Variants in FRMD4B observed in about 807,000 individuals in gnomAD.
FRMD4B encodes FERM domain-containing protein 4B.
FRMD4B carries 74 observed loss-of-function variants against 141.5 expected under a neutral mutation model. The ratio of observed to expected loss-of-function variants is 0.52; its 90% confidence interval spans 0.43 to 0.63. The LOEUF (loss-of-function observed/expected upper bound fraction) is 0.63. FRMD4B is among the 30% of genes least tolerant of loss of function. The pLI is 0.00. For missense variants in FRMD4B, 1,366 were observed against 1,253.4 expected (o/e 1.09, Z -1.36); for synonymous variants, 506 against 467.9 (o/e 1.08, Z -1.05).
At chr3:69,348,315 G>A (rs1575754168) in intron 1 of FRMD4B, among the ~76,000 whole-genome samples, 1 of 151,962 alleles carries the variant, frequency 6.6e-6, no homozygotes, top group South Asian at 2.1e-4. Flanking sequence ...AGACCAATAA[G>A]AGGCTCTGAA....
At chr3:69,492,012 C>T (rs778087664) in intron 1 of FRMD4B, among the ~76,000 whole-genome samples, 15 of 152,216 alleles carry the variant, frequency 9.9e-5, no homozygotes, top group East Asian at 7.7e-4. Flanking sequence ...CCAAGACAGT[C>T]GGCCAAGAGC....
chr3:69,400,226 A>C (rs78991747), intron 2 of FRMD4B, among the ~76,000 whole-genome samples: 232 of 129,098 alleles, frequency 1.8e-3, no homozygotes, highest in African/African-American at 5.0e-3. Flanking sequence ...TCTTCACCCC[A>C]AAAAAAAAAA....
intron 7 of FRMD4B, among the ~76,000 whole-genome samples, chr3:69,230,133 G>T (rs961812084): frequency 4.0e-5 from 6 of 151,852 alleles, no homozygotes; most frequent in Admixed American, 6.6e-5. Flanking sequence ...CCTCCGCCAC[G>T]CCTGGCTAAT....
chr3:69,452,182 C>A (rs182332632), intron 1 of FRMD4B, among the ~76,000 whole-genome samples: 150 of 152,348 alleles, frequency 9.8e-4, no homozygotes, highest in African/African-American at 3.2e-3. Flanking sequence ...ACTAGGGATG[C>A]AACAGTGATC....
intron 1 of FRMD4B, among the ~76,000 whole-genome samples, chr3:69,375,105 C>T (rs1180092946): frequency 6.7e-6 from 1 of 149,026 alleles, no homozygotes; most frequent in Admixed American, 6.7e-5. Context: ...TCTATCCTAC[C>T]TACCATTCAT....
chr3:69,521,951 T>A (rs1700860651), intron 1 of FRMD4B, among the ~76,000 whole-genome samples: 1 of 152,216 alleles, frequency 6.6e-6, no homozygotes, highest in African/African-American at 2.4e-5. Context: ...CAATTCATGT[T>A]ACATAGCAGA....
intron 1 of FRMD4B, among the ~76,000 whole-genome samples, chr3:69,458,489 T>C (rs1705653506): frequency 6.6e-6 from 1 of 152,092 alleles, no homozygotes; most frequent in Non-Finnish European, 1.5e-5. Flanking sequence ...AGCCAAAAAG[T>C]AGGGAAGAGC....
intron 7 of FRMD4B, among the ~76,000 whole-genome samples, chr3:69,244,263 T>C (rs571599262): frequency 6.6e-6 from 1 of 151,980 alleles, no homozygotes; most frequent in Non-Finnish European, 1.5e-5. Context: ...GGAGCTGTAA[T>C]TCAAAGGGAG....
intron 1 of FRMD4B, among the ~76,000 whole-genome samples, chr3:69,523,650 T>A (rs961200856): frequency 6.6e-6 from 1 of 152,146 alleles, no homozygotes; most frequent in Admixed American, 6.5e-5. Context: ...CAGAGCCATA[T>A]TTAGCAGTGT....
chr3:69,382,996 T>A (rs1421307729), intron 1 of FRMD4B, among the ~76,000 whole-genome samples: 2 of 152,190 alleles, frequency 1.3e-5, no homozygotes, highest in East Asian at 1.9e-4. Context: ...GGGTTTTCTA[T>A]TATAATAAAA....
At chr3:69,514,382 A>G (rs887691578) in intron 1 of FRMD4B, among the ~76,000 whole-genome samples, 1 of 152,060 alleles carries the variant, frequency 6.6e-6, no homozygotes, top group African/African-American at 2.4e-5. Flanking sequence ...ACTACAAAAC[A>G]TTGCTGAAAA....
At chr3:69,196,538 A>AAAAAC (rs112965837) in intron 13 of FRMD4B, 142 bp from the exon 14 acceptor site, 569,297 of 576,398 alleles carry the variant, frequency 0.99, 281,489 homozygotes, top group East Asian at 1. Flanking sequence ...CTTCAGACCA[A>AAAAAC]AAAACAAAAC....
chr3:69,497,763 G>A (rs1213393945), intron 1 of FRMD4B, among the ~76,000 whole-genome samples: 2 of 152,046 alleles, frequency 1.3e-5, no homozygotes, highest in Admixed American at 6.6e-5. Flanking sequence ...AGGCTGGAGT[G>A]CAATGGTTCT....
chr3:69,359,765 C>A (rs1011229900), intron 1 of FRMD4B, among the ~76,000 whole-genome samples: 3 of 152,146 alleles, frequency 2.0e-5, no homozygotes, highest in African/African-American at 7.2e-5. Flanking sequence ...TTGGTTTTAC[C>A]ATAAGGCACG....
At chr3:69,316,830 T>A (rs563678859) in intron 1 of FRMD4B, among the ~76,000 whole-genome samples, 2 of 152,326 alleles carry the variant, frequency 1.3e-5, no homozygotes, top group South Asian at 4.1e-4. Flanking sequence ...TTCCTGACTT[T>A]AAAAAATCAG....
intron 1 of FRMD4B, among the ~76,000 whole-genome samples, chr3:69,540,049 C>T (rs1701148262): frequency 6.6e-6 from 1 of 152,102 alleles, no homozygotes; most frequent in African/African-American, 2.4e-5. Context: ...AAAAATTAGC[C>T]GGGCTTGGTG....
At position 69,169,558 on chromosome 3, in the gene FRMD4B, T is replaced by A. The variant is rs1354638252; in HGVS notation, c.*2303A>T. Among the ~76,000 whole-genome samples the A allele has an allele frequency of 6.6e-6, 1 of 152,032 alleles. No homozygotes were observed. The highest frequency in any genetic ancestry group is 2.4e-5 in the African/African-American group (1 of 41,382). ...TTTTCATAGAGATGGGGTTTCACCA[T>A]GTTGTCCAGGCTGGTCTTGAACTCC... is the stretch of plus-strand genomic sequence containing the variant. On this transcript the variant is annotated 3_prime_UTR_variant, in exon 23 of 23. Coordinates refer to ENST00000398540, the MANE Select transcript of FRMD4B (RefSeq NM_015123.3).
intron 1 of FRMD4B, among the ~76,000 whole-genome samples, chr3:69,343,682 T>G (rs1478416634): frequency 2.7e-5 from 4 of 150,078 alleles, no homozygotes; most frequent in Non-Finnish European, 5.9e-5. Context: ...CGGGTTCAAG[T>G]GATTCCCCTG....
chr3:69,239,044 C>T (rs1283723989), intron 7 of FRMD4B, among the ~76,000 whole-genome samples: 1 of 152,102 alleles, frequency 6.6e-6, no homozygotes, highest in Non-Finnish European at 1.5e-5. Context: ...CTAAATCTGG[C>T]AACTCTAAGG....
Sources: gnomAD v4.1 joint callset for allele counts (sites outside exome capture counted in the v4.1 genomes callset) on GRCh38, gnomAD v4.1.1 for gene constraint, MANE v1.5 for transcripts, NCBI Gene and HGNC (gene_info 2026-07-23, HGNC 2026-07-21) for gene names.